The following LDB2 variants were observed in gnomAD, a reference collection of about 807,000 sequenced individuals.
The protein encoded by LDB2 is LIM domain binding 2, also known as LIM domain-binding protein 2.
LDB2 carries 12 observed loss-of-function variants against 44.3 expected under a neutral mutation model. The ratio of observed to expected loss-of-function variants is 0.27; its 90% confidence interval spans 0.17 to 0.44. The LOEUF is 0.44. Among genes scored for constraint, LDB2 ranks in the 20% least tolerant of loss-of-function variants. LDB2 has a pLI of 1.00. For missense variants in LDB2, 344 were observed against 473.5 expected, an observed-to-expected ratio of 0.73 and a Z score of 2.54; for synonymous variants, 164 against 174.8, an observed-to-expected ratio of 0.94 and a Z score of 0.49.
Position 16,508,656 on chromosome 4 carries a change from C to T in LDB2, c.770G>A (p.Arg257Gln), listed in dbSNP as rs1277170300. 1.9e-6 allele frequency: 3 copies of T among 1,613,560 alleles called. No individual in the cohort carries two copies. Among genetic ancestry groups the T allele is most frequent in the Non-Finnish European group, 2.5e-6 (3 of 1,179,794 alleles). ...AEPTRQPTTK[R>Q]RKRKNSTSST... is the part of the protein sequence containing the mutation. The stretch of plus-strand genomic sequence containing the variant: ...GCTGGTGGAATTTTTCCTTTTTCTC[C>T]GTTTGGTTGTTGGTTGCCTTGTGGG... Residue 257 changes from arginine (R) to glutamine (Q), a missense_variant, in exon 7 of 8, where the codon CGG becomes CAG. This residue lies in a region of LDB2 where 86 missense variants were observed against 171.2 expected (regional missense o/e 0.50). Transcript: ENST00000304523.
At chr4:16,735,108 C>T (rs1761616864) in intron 2 of LDB2, among the ~76,000 whole-genome samples, 1 of 152,114 alleles carries the variant, frequency 6.6e-6, no homozygotes, top group African/African-American at 2.4e-5. Context: ...GTGTTTGACG[C>T]TGAGGGTAAT....
intron 1 of LDB2, among the ~76,000 whole-genome samples, chr4:16,785,366 G>C (rs1281044467): frequency 6.6e-6 from 1 of 152,008 alleles, no homozygotes; most frequent in East Asian, 1.9e-4. Context: ...GGCCAGTCTA[G>C]AACAAAGGAG....
intron 1 of LDB2, among the ~76,000 whole-genome samples, chr4:16,864,643 G>A (rs907050804): frequency 2.5e-4 from 38 of 152,118 alleles, no homozygotes; most frequent in Non-Finnish European, 1.2e-4. Context: ...AGCCCATACC[G>A]GTTGGGCGCA....
intron 1 of LDB2, among the ~76,000 whole-genome samples, chr4:16,796,289 C>T (rs971183577): frequency 6.6e-6 from 1 of 152,012 alleles, no homozygotes. Flanking sequence ...CTGTCTCAAA[C>T]AAAACAAAAC....
At chr4:16,668,745 A>G (rs1278996879) in intron 2 of LDB2, among the ~76,000 whole-genome samples, 1 of 152,220 alleles carries the variant, frequency 6.6e-6, no homozygotes. Flanking sequence ...TTCTCATGCA[A>G]CTGAAAACGC....
intron 2 of LDB2, among the ~76,000 whole-genome samples, chr4:16,609,512 T>C (rs1300073363): frequency 2.0e-5 from 3 of 152,296 alleles, no homozygotes; most frequent in East Asian, 3.9e-4. Context: ...GCTTTTCCCC[T>C]GCTGGAGCCA....
At chr4:16,749,098 C>A (rs1240444204) in intron 2 of LDB2, among the ~76,000 whole-genome samples, 1 of 152,064 alleles carries the variant, frequency 6.6e-6, no homozygotes, top group African/African-American at 2.4e-5. Flanking sequence ...GATTCAAGTA[C>A]CCAGTTAACC....
intron 2 of LDB2, among the ~76,000 whole-genome samples, chr4:16,678,708 A>C (rs976069160): frequency 6.6e-6 from 1 of 152,224 alleles, no homozygotes; most frequent in Non-Finnish European, 1.5e-5. Flanking sequence ...TCTCTTCTCC[A>C]TACATCTTGA....
At chr4:16,704,488 C>T (rs899556769) in intron 2 of LDB2, among the ~76,000 whole-genome samples, 1 of 152,264 alleles carries the variant, frequency 6.6e-6, no homozygotes, top group Admixed American at 6.5e-5. Context: ...ATAATAAAAT[C>T]AAAAGCAAGC....
chr4:16,571,823 A>T (rs1439456324), intron 5 of LDB2, among the ~76,000 whole-genome samples: 1 of 152,156 alleles, frequency 6.6e-6, no homozygotes, highest in Non-Finnish European at 1.5e-5. Flanking sequence ...GTTTTCTCTT[A>T]ATTATGGTAA....
chr4:16,727,059 C>T (rs1561011622), intron 2 of LDB2, among the ~76,000 whole-genome samples: 1 of 152,014 alleles, frequency 6.6e-6, no homozygotes, highest in East Asian at 1.9e-4. Context: ...AATAACTGCA[C>T]GGATTAAGAA....
rs976032488 is a variant in LDB2, at chr4:16,582,461, G to A, written c.615+3461C>T. ...CAAACAAGGCAAAGGACACATTTCCGAGTTCCTGGCTTGCTTCTCCCATTC... is the reference window on the plus strand; with the variant it reads ...CAAACAAGGCAAAGGACACATTTCCAAGTTCCTGGCTTGCTTCTCCCATTC... On this transcript the variant is annotated intron_variant, in intron 5 of 7. Coordinates refer to ENST00000304523, the MANE Select transcript of LDB2 (RefSeq NM_001290.5). This position sits in a 1 kb window ranked among gnomAD's most constrained non-coding sequence, Gnocchi z 4.8. Among the ~76,000 whole-genome samples the A allele has an allele frequency of 4.6e-5, 7 of 152,170 alleles. No homozygotes were observed. Among genetic ancestry groups the A allele is most frequent in the Non-Finnish European group, 8.8e-5 (6 of 68,032 alleles).
chr4:16,502,727 C>G lies in LDB2; in HGVS notation c.1038G>C (p.Leu346=). The G allele has an allele frequency of 6.2e-7, 1 of 1,613,956 alleles. No homozygotes were observed. The highest frequency in any genetic ancestry group is 8.5e-7 in the Non-Finnish European group (1 of 1,179,964). Residue 346 remains leucine (L), a synonymous_variant, in exon 8 of 8, where the codon CTG becomes CTC. Coordinates refer to ENST00000304523, the MANE Select transcript of LDB2 (RefSeq NM_001290.5). ...DEEDFNNSPA[L]GNNSPWNSKP... ...TACTGTTCCACGGGCTGTTGTTCCC[C>G]AGCGCGGGTGAATTGTTGAAGTCCT... is the stretch of plus-strand genomic sequence containing the variant.
chr4:16,615,739 A>C (rs1727119251), intron 2 of LDB2, among the ~76,000 whole-genome samples: 1 of 152,198 alleles, frequency 6.6e-6, no homozygotes, highest in South Asian at 2.1e-4. Context: ...AAATTAAAAA[A>C]AGTGAATAAA....
intron 2 of LDB2, among the ~76,000 whole-genome samples, chr4:16,617,431 C>T (rs758651845): frequency 3.3e-5 from 5 of 152,186 alleles, no homozygotes; most frequent in Non-Finnish European, 5.9e-5. Context: ...TCCTCCTGAC[C>T]TTAATTGACC....
intron 2 of LDB2, among the ~76,000 whole-genome samples, chr4:16,628,980 G>T (rs1026450096): frequency 1.6e-4 from 24 of 152,228 alleles, no homozygotes; most frequent in African/African-American, 5.1e-4. Context: ...TGGGTCCCAT[G>T]CCCATGGAGC....
intron 1 of LDB2, among the ~76,000 whole-genome samples, chr4:16,832,336 A>C (rs1222657610): frequency 6.6e-6 from 1 of 152,188 alleles, no homozygotes; most frequent in Non-Finnish European, 1.5e-5. Flanking sequence ...TAATTAGCAG[A>C]GTTAGGGTTG....
At chr4:16,863,335 T>C (rs1713386533) in intron 1 of LDB2, among the ~76,000 whole-genome samples, 1 of 152,170 alleles carries the variant, frequency 6.6e-6, no homozygotes, top group African/African-American at 2.4e-5. Context: ...AACACCAGCT[T>C]ATTTAAGTGC....
At chr4:16,863,234 AAGATAG>A (rs1713344038) in intron 1 of LDB2, among the ~76,000 whole-genome samples, 2 of 152,196 alleles carry the variant, frequency 1.3e-5, no homozygotes, top group African/African-American at 4.8e-5. Flanking sequence ...AAAGGTGCCA[AAGATAG>A]AGAAAGCAGA....
Sources: allele counts gnomAD v4.1 joint callset (sites outside exome capture counted in the v4.1 genomes callset), GRCh38; gene constraint gnomAD v4.1.1; regional missense constraint gnomAD v4.1.1; non-coding constraint Gnocchi (gnomAD v3.1); transcripts MANE v1.5; gene names NCBI Gene and HGNC (gene_info 2026-07-23, HGNC 2026-07-21).